Variants in RIMS3 observed in about 807,000 individuals in gnomAD.
RIMS3 encodes regulating synaptic membrane exocytosis 3.
A neutral mutation model predicts 29.2 loss-of-function variants in RIMS3; 15 were observed. That is an observed-to-expected ratio of 0.51 (90% CI 0.34 to 0.79). The LOEUF is 0.79. Among genes scored for constraint, RIMS3 ranks in the 30% least tolerant of loss-of-function variants. The pLI, the probability that RIMS3 is intolerant of heterozygous loss-of-function variation, is 0.01. For missense variants in RIMS3, 342 were observed against 421.4 expected (o/e 0.81, Z 1.65); for synonymous variants, 161 against 170.1 (o/e 0.95, Z 0.41).
At chr1:40,628,034 G>A (rs762378052) in intron 7 of RIMS3, among the ~76,000 whole-genome samples, 1 of 152,146 alleles carries the variant, frequency 6.6e-6, no homozygotes, top group Non-Finnish European at 1.5e-5. Context: ...TCACCTCCAT[G>A]GCCTCAGGCA....
chr1:40,675,040 C>T, the RIMS3 span, among the ~76,000 whole-genome samples: 1 of 152,216 alleles, frequency 6.6e-6, no homozygotes, highest in South Asian at 2.1e-4. Flanking sequence ...GTGGGAGGAT[C>T]AGTTAAGCCC....
the RIMS3 span, among the ~76,000 whole-genome samples, chr1:40,675,689 C>T: frequency 0.012 from 1,716 of 141,610 alleles, 19 homozygotes; most frequent in Middle Eastern, 0.025. Context: ...ACCTGGGAGG[C>T]GGAGGTTGCG....
At chr1:40,634,904 G>T (rs1245989820) in intron 4 of RIMS3, among the ~76,000 whole-genome samples, 1 of 149,900 alleles carries the variant, frequency 6.7e-6, no homozygotes, top group Admixed American at 6.7e-5. Context: ...TTGCACCACT[G>T]CACTCCAGCG....
Position 40,665,161 on chromosome 1 carries a change from C to T in RIMS3, c.-207+233G>A, listed in dbSNP as rs192432754. On this transcript the variant is annotated intron_variant, in intron 1 of 7. Transcript: ENST00000372684. Reference sequence around the variant, plus strand: ...TCAGCAAAGAACTCAAGACTCTGGGCCCCCTTCCCCATTTTCCAGGCTTCC... The same window carrying T: ...TCAGCAAAGAACTCAAGACTCTGGGTCCCCTTCCCCATTTTCCAGGCTTCC... 1.6e-3 allele frequency among the ~76,000 whole-genome samples: 247 copies of T among 152,208 alleles called. 1 individual carries two copies. The highest frequency in any genetic ancestry group is 5.8e-3 in the African/African-American group (242 of 41,534).
rs140519279 is a variant in RIMS3, at chr1:40,657,381, G to A, written c.-207+8013C>T. Among the ~76,000 whole-genome samples the A allele has an allele frequency of 1.2e-3, 179 of 152,294 alleles. 3 individuals carry two copies. The highest frequency in any genetic ancestry group is 4.1e-3 in the African/African-American group (171 of 41,552). On this transcript the variant is annotated intron_variant, in intron 1 of 7. Coordinates refer to ENST00000372684, the MANE Select transcript of RIMS3 (RefSeq NM_014747.3). ...CAAGCAGACAAATCAGCAAATCACC[G>A]AGATTAAGAGAGGTGAAGAGCTTTA... is the stretch of plus-strand genomic sequence containing the variant.
chr1:40,656,640 G>T (rs150623418), intron 1 of RIMS3, among the ~76,000 whole-genome samples: 1 of 152,054 alleles, frequency 6.6e-6, no homozygotes, highest in Non-Finnish European at 1.5e-5. Flanking sequence ...AAAATTAGCC[G>T]GGCGTGGTGG....
chr1:40,685,315 TAATTATTAA>T, the RIMS3 span, among the ~76,000 whole-genome samples: 1,007 of 19,636 alleles, frequency 0.051, 9 homozygotes, highest in Non-Finnish European at 0.082. Context: ...TTAATATATA[TAATTATTAA>T]TATATAATAT....
upstream of RIMS3, among the ~76,000 whole-genome samples, chr1:40,668,674 A>G (rs1642456696): frequency 6.6e-6 from 1 of 152,220 alleles, no homozygotes; most frequent in Non-Finnish European, 1.5e-5. Flanking sequence ...TTGGAGATGG[A>G]AAAGACTTTC....
chr1:40,645,825 T>A (rs762748628), intron 2 of RIMS3, among the ~76,000 whole-genome samples: 1 of 152,194 alleles, frequency 6.6e-6, no homozygotes, highest in Non-Finnish European at 1.5e-5. Flanking sequence ...TGGTTTGGCA[T>A]CAAGGTCTCT....
chr1:40,633,246 G>A, intron 4 of RIMS3, 65 bp from the exon 5 acceptor site: 2 of 1,327,360 alleles, frequency 1.5e-6, no homozygotes, highest in Non-Finnish European at 2.2e-6. Flanking sequence ...AGTATAGCTG[G>A]CAGGCTGCCA....
chr1:40,680,745 T>G, the RIMS3 span, among the ~76,000 whole-genome samples: 4 of 152,230 alleles, frequency 2.6e-5, no homozygotes, highest in African/African-American at 9.7e-5. Context: ...TTAATTCAAA[T>G]TTTCAATTCC....
Position 40,635,862 on chromosome 1 carries a change from G to A in RIMS3, c.359+54C>T. 2 of 1,596,500 alleles carry A rather than the reference G, an allele frequency of 1.3e-6. No individual in the cohort carries two copies. Among genetic ancestry groups the A allele is most frequent in the Non-Finnish European group, 1.7e-6 (2 of 1,169,608 alleles). On this transcript the variant is annotated intron_variant, in intron 4 of 7. Coordinates refer to ENST00000372684, the MANE Select transcript of RIMS3 (RefSeq NM_014747.3). The surrounding 1 kb of genome is among the most constrained non-coding windows in gnomAD (Gnocchi z 4.1). ...CTTTCCCACCCTGCCCAGTGGCTCTGTGACTGGAGGACCGAGGAGGAGGGA... is the reference window on the plus strand; with the variant it reads ...CTTTCCCACCCTGCCCAGTGGCTCTATGACTGGAGGACCGAGGAGGAGGGA...
At chr1:40,667,039 G>C (rs563860806), upstream of RIMS3, among the ~76,000 whole-genome samples, 4 of 152,134 alleles carry the variant, frequency 2.6e-5, no homozygotes, top group African/African-American at 7.2e-5. Flanking sequence ...AAAGTAAATG[G>C]GGAGTGGGAA....
intron 7 of RIMS3, 78 bp downstream of exon 7, chr1:40,628,732 G>A: frequency 1.3e-6 from 2 of 1,584,080 alleles, no homozygotes; most frequent in Non-Finnish European, 1.7e-6. Flanking sequence ...GGCACAGGAT[G>A]AATCATAAAT....
chr1:40,623,538 C>G lies in RIMS3; in HGVS notation c.*2979G>C, dbSNP rs1463393548. On this transcript the variant is annotated 3_prime_UTR_variant, in exon 8 of 8. Coordinates refer to ENST00000372684, the MANE Select transcript of RIMS3 (RefSeq NM_014747.3). ...AGAGGAGGTGGAATGACAAAGAGCT[C>G]CATTCCTGTAACCACTGCAGGGTTT... is the stretch of plus-strand genomic sequence containing the variant. 7.5e-6 allele frequency: 3 copies of G among 398,546 alleles called. No homozygotes were observed. The highest frequency in any genetic ancestry group is 6.2e-5 in the African/African-American group (3 of 48,614). 24.7% of individuals were successfully genotyped at this position (398,546 alleles called of 1,614,324 possible).
the RIMS3 span, chr1:40,690,529 TA>T: frequency 1.3e-5 from 2 of 152,234 alleles, no homozygotes; most frequent in Non-Finnish European, 2.9e-5. Context: ...AGTTAGGAAT[TA>T]GATCTTTTTA....
chr1:40,626,709 A>G lies in RIMS3; in HGVS notation c.735T>C (p.Tyr245=). The G allele has an allele frequency of 6.2e-7, 1 of 1,614,128 alleles. No homozygotes were observed. The highest frequency in any genetic ancestry group is 8.5e-7 in the Non-Finnish European group (1 of 1,180,034). The change falls in exon 8 of 8, where the codon TAT becomes TAC. Residue 245 remains tyrosine, a synonymous_variant. Coordinates refer to ENST00000372684, the MANE Select transcript of RIMS3 (RefSeq NM_014747.3). ...TGAAGCACTTGTGGTCCATGCGGCC[A>G]TAGTCTCCCCAGACGATCACCTGCC... The part of the protein sequence containing the change: ...KVLQVIVWGD[Y]GRMDHKCFMG...
intron 3 of RIMS3, among the ~76,000 whole-genome samples, chr1:40,637,612 A>G (rs1278995720): frequency 6.6e-6 from 1 of 152,162 alleles, no homozygotes; most frequent in Non-Finnish European, 1.5e-5. Flanking sequence ...TCTCATACAC[A>G]AGGCTACATG....
chr1:40,686,588 C>T, the RIMS3 span, among the ~76,000 whole-genome samples: 4 of 152,148 alleles, frequency 2.6e-5, no homozygotes, highest in Non-Finnish European at 5.9e-5. Context: ...ACCCGGGAGG[C>T]GGAGTTTGCA....
Sources: gnomAD v4.1 joint callset for allele counts (sites outside exome capture counted in the v4.1 genomes callset) on GRCh38, gnomAD v4.1.1 for gene constraint, Gnocchi (gnomAD v3.1) non-coding constraint, MANE v1.5 for transcripts, NCBI Gene and HGNC (gene_info 2026-07-23, HGNC 2026-07-21) for gene names.